MAML3: variants seen among roughly 807,000 people sequenced by gnomAD.
The protein encoded by MAML3 is mastermind like transcriptional coactivator 3, also known as mastermind-like protein 3.
In MAML3, 27 loss-of-function variants were observed where a neutral mutation model predicts 101.9. The observed-to-expected ratio is 0.27, with a 90% CI of 0.20 to 0.37. The LOEUF (loss-of-function observed/expected upper bound fraction) is 0.37, where lower values mean the gene tolerates loss of function less well. Ranked by LOEUF, MAML3 falls within the 10% of genes least tolerant of loss-of-function variation. The pLI is 1.00. For synonymous variants in MAML3, 501 were observed against 555.9 expected, an observed-to-expected ratio of 0.90 and a Z score of 1.39; for missense variants, 1,316 against 1,444.9, an observed-to-expected ratio of 0.91 and a Z score of 1.45.
chr4:139,741,858 A>AT (rs1351572666), intron 2 of MAML3, among the ~76,000 whole-genome samples: 3 of 152,160 alleles, frequency 2.0e-5, no homozygotes, highest in Non-Finnish European at 4.4e-5. Flanking sequence ...CCTATGCTGT[A>AT]TTTTTTAAAA....
In MAML3 at chr4:139,719,467, G is replaced by T. The variant is rs377696242; in HGVS notation, c.3273C>A (p.Asp1091Glu). Reference sequence around the variant, plus strand: ...CGTCGCCACTGTAATTGTATGACACGTCCTGAGGGGCATTCCGCTCATAGG... The same window carrying T: ...CGTCGCCACTGTAATTGTATGACACTTCCTGAGGGGCATTCCGCTCATAGG... ...SQAYERNAPQ[D>E]VSYNYSGDGA... The change falls in exon 5 of 5, where the codon GAC becomes GAA. Residue 1091 changes from aspartate to glutamate, a missense_variant. By Grantham distance (45) the Asp-to-Glu change is conservative (BLOSUM62 2). Transcript: ENST00000509479. 1.1e-5 allele frequency: 18 copies of T among 1,613,900 alleles called. No homozygotes were observed. The highest frequency in any genetic ancestry group is 1.5e-5 in the Non-Finnish European group (18 of 1,179,904).
chr4:139,768,872 T>C (rs1443509397), intron 2 of MAML3, among the ~76,000 whole-genome samples: 1 of 152,064 alleles, frequency 6.6e-6, no homozygotes, highest in African/African-American at 2.4e-5. Flanking sequence ...TTATATATTT[T>C]CCCCCCTTTT....
chr4:139,866,807 T>C (rs995035090), intron 2 of MAML3, among the ~76,000 whole-genome samples: 1 of 152,216 alleles, frequency 6.6e-6, no homozygotes, highest in Admixed American at 6.5e-5. Context: ...CAGAGAATGA[T>C]ATGTGAGGCT....
chr4:140,145,551 T>TTTTTGTTTTG (rs370089585), intron 1 of MAML3, among the ~76,000 whole-genome samples: 25 of 131,198 alleles, frequency 1.9e-4, no homozygotes, highest in African/African-American at 5.6e-4. Flanking sequence ...TTTTGAGATT[T>TTTTTGTTTTG]TTTTGTTTTG....
chr4:139,928,553 G>A (rs1427466497), intron 1 of MAML3, among the ~76,000 whole-genome samples: 3 of 152,198 alleles, frequency 2.0e-5, no homozygotes, highest in Admixed American at 6.5e-5. Context: ...GTAAGGATGG[G>A]GAGGATATGG....
chr4:139,882,287 A>T (rs780302839), intron 2 of MAML3, among the ~76,000 whole-genome samples: 2 of 152,166 alleles, frequency 1.3e-5, no homozygotes, highest in African/African-American at 4.8e-5. Flanking sequence ...TAATCTAAGA[A>T]CATATCCAAG....
intron 2 of MAML3, among the ~76,000 whole-genome samples, chr4:139,877,846 T>G (rs948702641): frequency 9.9e-5 from 15 of 152,256 alleles, no homozygotes; most frequent in African/African-American, 3.6e-4. Context: ...TTTGATTATT[T>G]ACATGTATAC....
intron 1 of MAML3, among the ~76,000 whole-genome samples, chr4:140,064,663 G>C (rs1285449301): frequency 1.3e-5 from 2 of 152,132 alleles, no homozygotes; most frequent in African/African-American, 4.8e-5. Flanking sequence ...GCTGTGGCCT[G>C]GTCCTCTTTG....
At chr4:139,835,874 G>A (rs575394789) in intron 2 of MAML3, among the ~76,000 whole-genome samples, 105 of 152,298 alleles carry the variant, frequency 6.9e-4, no homozygotes, top group African/African-American at 2.5e-3. Context: ...ACGCAAAGAT[G>A]ATGGGAAAAA....
At chr4:139,871,160 T>C (rs1732000099) in intron 2 of MAML3, among the ~76,000 whole-genome samples, 1 of 152,228 alleles carries the variant, frequency 6.6e-6, no homozygotes, top group African/African-American at 2.4e-5. Context: ...ATACATTTTT[T>C]CTCATGTATG....
intron 1 of MAML3, among the ~76,000 whole-genome samples, chr4:139,929,715 C>A (rs773017617): frequency 3.7e-4 from 57 of 152,168 alleles, no homozygotes; most frequent in Non-Finnish European, 6.8e-4. Context: ...TGCTGTCGTG[C>A]CACAGTCTCT....
At chr4:140,123,546 C>A (rs1728641117) in intron 1 of MAML3, among the ~76,000 whole-genome samples, 1 of 151,970 alleles carries the variant, frequency 6.6e-6, no homozygotes, top group Non-Finnish European at 1.5e-5. Context: ...TTCATTAGGT[C>A]TTCTGTTTTC....
chr4:140,016,159 C>T (rs186665866), intron 1 of MAML3, among the ~76,000 whole-genome samples: 1 of 152,052 alleles, frequency 6.6e-6, no homozygotes, highest in Non-Finnish European at 1.5e-5. Flanking sequence ...AATATGTGAG[C>T]ACCAAAGTTG....
chr4:140,089,713 G>A (rs1728012705), intron 1 of MAML3, among the ~76,000 whole-genome samples: 1 of 152,232 alleles, frequency 6.6e-6, no homozygotes, highest in African/African-American at 2.4e-5. Flanking sequence ...TAGGGATGGA[G>A]AGCAGATCAG....
chr4:139,998,308 T>G (rs1288736713), intron 1 of MAML3, among the ~76,000 whole-genome samples: 1 of 151,978 alleles, frequency 6.6e-6, no homozygotes, highest in Non-Finnish European at 1.5e-5. Flanking sequence ...AAATTTAAAT[T>G]TTTATACTTT....
chr4:140,081,259 A>C (rs961300829), intron 1 of MAML3, among the ~76,000 whole-genome samples: 1 of 152,166 alleles, frequency 6.6e-6, no homozygotes, highest in African/African-American at 2.4e-5. Flanking sequence ...TTAAAAAAAA[A>C]ACAAATATAC....
chr4:139,890,813 C>T lies in MAML3; in HGVS notation c.623G>A (p.Ser208Asn), dbSNP rs754249011. ...AGAAGCTGAAGGCAGTGGCATGTTA[C>T]TGGGCAAATTGTTGATGGCTTCCAT... ...AGMEAINNLPSNMPLPSASPL... is the reference protein window; with the variant it reads ...AGMEAINNLPNNMPLPSASPL... The change falls in exon 2 of 5, where the codon AGT becomes AAT. Residue 208 changes from serine to asparagine, a missense_variant. Ser to Asn is a conservative substitution (Grantham distance 46). Coordinates refer to ENST00000509479, the MANE Select transcript of MAML3 (RefSeq NM_018717.5). This position sits in a 1 kb window ranked among gnomAD's most constrained non-coding sequence, Gnocchi z 4.1. 3 of 1,614,038 alleles carry T rather than the reference C, an allele frequency of 1.9e-6. No homozygotes were observed. Among genetic ancestry groups the T allele is most frequent in the East Asian group, 2.2e-5 (1 of 44,890 alleles).
intron 1 of MAML3, among the ~76,000 whole-genome samples, chr4:139,961,496 C>A (rs1327308986): frequency 1.3e-5 from 2 of 152,154 alleles, no homozygotes; most frequent in Non-Finnish European, 2.9e-5. Flanking sequence ...CTGGCAAGGT[C>A]CCACAATGAG....
At chr4:139,826,658 A>G (rs1266373071) in intron 2 of MAML3, among the ~76,000 whole-genome samples, 1 of 152,236 alleles carries the variant, frequency 6.6e-6, no homozygotes, top group Non-Finnish European at 1.5e-5. Context: ...TGAGTGTAAC[A>G]TAATTGCCTG....
Sources: allele counts gnomAD v4.1 joint callset (sites outside exome capture counted in the v4.1 genomes callset), GRCh38; gene constraint gnomAD v4.1.1; non-coding constraint Gnocchi (gnomAD v3.1); transcripts MANE v1.5; gene names NCBI Gene and HGNC (gene_info 2026-07-23, HGNC 2026-07-21).